Variants in PRRC2C observed in about 807,000 individuals in gnomAD.
The protein encoded by PRRC2C is protein PRRC2C.
Under a neutral mutation model 317.2 loss-of-function variants are expected in PRRC2C, and 72 were observed. That is an observed-to-expected ratio of 0.23 (90% CI 0.19 to 0.28). The LOEUF (loss-of-function observed/expected upper bound fraction) is 0.28. Among genes scored for constraint, PRRC2C ranks in the 10% least tolerant of loss-of-function variants. The pLI, the probability that PRRC2C is intolerant of heterozygous loss-of-function variation, is 1.00. For synonymous variants in PRRC2C, 1,296 were observed against 1,205.9 expected, an observed-to-expected ratio of 1.07 and a Z score of -1.55; for missense variants, 3,074 against 3,459.7, an observed-to-expected ratio of 0.89 and a Z score of 2.80.
At chr1:171,585,972 G>A (rs965543178) in intron 30 of PRRC2C, among the ~76,000 whole-genome samples, 2 of 151,290 alleles carry the variant, frequency 1.3e-5, no homozygotes, top group African/African-American at 4.9e-5. Context: ...TAACCTGAAG[G>A]TAATTTTAAG....
intron 30 of PRRC2C, among the ~76,000 whole-genome samples, chr1:171,586,539 C>A (rs1475447789): frequency 7.6e-6 from 1 of 131,992 alleles, no homozygotes; most frequent in Non-Finnish European, 1.7e-5. Flanking sequence ...TGGATGTGTT[C>A]TATGTATTTT....
intron 6 of PRRC2C, among the ~76,000 whole-genome samples, chr1:171,518,661 CT>C (rs386368727): frequency 5.5e-4 from 32 of 58,136 alleles, no homozygotes; most frequent in Non-Finnish European, 7.0e-4. Flanking sequence ...CCACACCTGG[CT>C]TTTTTTTTTT....
At position 171,540,491 on chromosome 1, in the gene PRRC2C, G is replaced by T. The variant is rs1677765242; in HGVS notation, c.3025G>T (p.Asp1009Tyr). The T allele has an allele frequency of 2.5e-6, 4 of 1,613,204 alleles. No individual in the cohort carries two copies. Among genetic ancestry groups the T allele is most frequent in the Non-Finnish European group, 3.4e-6 (4 of 1,179,678 alleles). Reference sequence around the variant, plus strand: ...CTCTAACAGAAGGGAAGAAGTTAATGATAGACCTGTGAGAAGATCAGGTCC... The same window carrying T: ...CTCTAACAGAAGGGAAGAAGTTAATTATAGACCTGTGAGAAGATCAGGTCC... Reference protein sequence around the residue: ...PSSNRREEVNDRPVRRSGPIK... With the variant: ...PSSNRREEVNYRPVRRSGPIK... The change falls in exon 16 of 35, where the codon GAT (aspartate) becomes TAT (tyrosine). Residue 1009 changes from aspartate to tyrosine, a missense_variant. This residue lies in a region of PRRC2C where 1,320 missense variants were observed against 1,395.7 expected (regional missense o/e 0.95). Coordinates refer to ENST00000647382, the MANE Select transcript of PRRC2C (RefSeq NM_001387844.1).
intron 27 of PRRC2C, 98 bp from the exon 28 acceptor site, chr1:171,579,730 T>C: frequency 7.3e-7 from 1 of 1,368,212 alleles, no homozygotes; most frequent in East Asian, 2.4e-5. Flanking sequence ...AGTATTAATT[T>C]TACTCTTTTC....
chr1:171,486,741 G>A (rs1390082354), intron 1 of PRRC2C, among the ~76,000 whole-genome samples: 3 of 152,116 alleles, frequency 2.0e-5, no homozygotes, highest in African/African-American at 7.2e-5. Context: ...GAATGCACCA[G>A]AAGAATCGGA....
At chr1:171,558,757 G>A (rs1011551075) in intron 19 of PRRC2C, among the ~76,000 whole-genome samples, 14 of 152,080 alleles carry the variant, frequency 9.2e-5, no homozygotes, top group African/African-American at 2.7e-4. Context: ...AAATTAGGCC[G>A]ATTAATAACT....
At chr1:171,558,398 A>G (rs1316417318) in intron 19 of PRRC2C, among the ~76,000 whole-genome samples, 1 of 152,042 alleles carries the variant, frequency 6.6e-6, no homozygotes, top group Non-Finnish European at 1.5e-5. Context: ...TTGTACATGC[A>G]TATCTCATTT....
intron 30 of PRRC2C, among the ~76,000 whole-genome samples, chr1:171,586,396 G>A (rs1649996317): frequency 6.6e-6 from 1 of 151,306 alleles, no homozygotes; most frequent in Non-Finnish European, 1.5e-5. Flanking sequence ...TGGACTTGGT[G>A]TCAAATTCTC....
chr1:171,492,771 G>T (rs199892947), intron 1 of PRRC2C, among the ~76,000 whole-genome samples: 5 of 32,620 alleles, frequency 1.5e-4, no homozygotes, highest in African/African-American at 3.1e-4. Context: ...TATTTATTTA[G>T]AGACAGAGTC....
chr1:171,586,930 G>A (rs2102880169), intron 30 of PRRC2C, 73 bp from the exon 31 acceptor site: 15 of 1,113,128 alleles, frequency 1.3e-5, no homozygotes, highest in Non-Finnish European at 2.0e-5. Context: ...TTGAAGAGTT[G>A]TGTATAGTTG....
chr1:171,586,874 C>CT (rs1650161721), intron 30 of PRRC2C, 129 bp from the exon 31 acceptor site: 8 of 755,512 alleles, frequency 1.1e-5, no homozygotes, highest in Non-Finnish European at 1.7e-5. Flanking sequence ...GCATGAGCCA[C>CT]TGCACCTGGC....
chr1:171,534,329 G>C (rs1371891934), intron 12 of PRRC2C, among the ~76,000 whole-genome samples: 1 of 152,062 alleles, frequency 6.6e-6, no homozygotes, highest in Non-Finnish European at 1.5e-5. Context: ...GTGAAATAAA[G>C]TGTTCACAAG....
At position 171,495,297 on chromosome 1, in the gene PRRC2C, T is replaced by C. The variant is rs900825216; in HGVS notation, c.-58+9562T>C. On this transcript the variant is annotated intron_variant, in intron 1 of 34. Coordinates refer to ENST00000647382, the MANE Select transcript of PRRC2C (RefSeq NM_001387844.1). ...GTATTCTGCATTTATGAAATCCAGT[T>C]TCTGAACTGTTAATATGACTGTATA... Among the ~76,000 whole-genome samples the C allele has an allele frequency of 3.3e-5, 5 of 152,224 alleles. No homozygotes were observed. The East Asian group carries it at 9.6e-4, about 29-fold the overall frequency.
chr1:171,578,326 A>G (rs1647658085), intron 26 of PRRC2C, among the ~76,000 whole-genome samples: 2 of 151,634 alleles, frequency 1.3e-5, no homozygotes, highest in African/African-American at 4.8e-5. Context: ...GCCAAGGCAG[A>G]AGGATTACTT....
At chr1:171,567,237 G>GT (rs1408426504) in intron 22 of PRRC2C, among the ~76,000 whole-genome samples, 2 of 151,916 alleles carry the variant, frequency 1.3e-5, no homozygotes, top group African/African-American at 2.4e-5. Flanking sequence ...AGTATAGCCA[G>GT]TTTTTTTTCA....
chr1:171,577,401 T>C, intron 25 of PRRC2C, 33 bp from the exon 26 acceptor site: 1 of 1,513,952 alleles, frequency 6.6e-7, no homozygotes, highest in East Asian at 2.3e-5. Context: ...AAATATGCTC[T>C]ATTTTCCCCT....
At chr1:171,513,306 T>C in intron 3 of PRRC2C, 134 bp downstream of exon 3, 3 of 1,018,296 alleles carry the variant, frequency 2.9e-6, no homozygotes, top group Non-Finnish European at 4.3e-6. Context: ...TTAAAGTCTT[T>C]TGACTATAGT....
intron 23 of PRRC2C, among the ~76,000 whole-genome samples, chr1:171,570,399 G>A (rs1420520353): frequency 4.6e-5 from 7 of 152,132 alleles, no homozygotes; most frequent in South Asian, 2.1e-4. Context: ...TTACTCAGTA[G>A]TACAATCATC....
chr1:171,550,056 A>T (rs770760549), intron 17 of PRRC2C, 30 bp from the exon 18 acceptor site: 14 of 1,522,846 alleles, frequency 9.2e-6, no homozygotes, highest in Non-Finnish European at 1.2e-5. Context: ...AAAAACAGAA[A>T]ATATCTTAAA....
Sources: gnomAD v4.1 joint callset for allele counts (sites outside exome capture counted in the v4.1 genomes callset) on GRCh38, gnomAD v4.1.1 for gene constraint, gnomAD v4.1.1 regional missense constraint, MANE v1.5 for transcripts, NCBI Gene and HGNC (gene_info 2026-07-23, HGNC 2026-07-21) for gene names.